JMJD1C: variants seen among roughly 807,000 people sequenced by gnomAD.
JMJD1C encodes jumonji domain-containing protein 1C.
In JMJD1C, 31 loss-of-function variants were observed where a neutral mutation model predicts 245.3. The ratio of observed to expected loss-of-function variants is 0.13; its 90% CI spans 0.09 to 0.17. JMJD1C has a LOEUF of 0.17. Among genes scored for constraint, JMJD1C ranks in the 10% least tolerant of loss-of-function variants. The probability of loss-of-function intolerance (pLI) is 1.00; values close to 1 mark genes in which losing one functional copy is unlikely to be tolerated. For missense variants in JMJD1C, 2,691 were observed against 3,000.2 expected, an observed-to-expected ratio of 0.90 and a Z score of 2.41; for synonymous variants, 1,057 against 1,017.4, an observed-to-expected ratio of 1.04 and a Z score of -0.74.
intron 2 of JMJD1C, among the ~76,000 whole-genome samples, chr10:63,306,960 A>T (rs1938335940): frequency 6.6e-6 from 1 of 152,212 alleles, no homozygotes; most frequent in Non-Finnish European, 1.5e-5. Context: ...TTACTTTTTT[A>T]AAGATCTTTC....
chr10:63,440,958 A>T (rs1457508513), intron 1 of JMJD1C, among the ~76,000 whole-genome samples: 1 of 152,204 alleles, frequency 6.6e-6, no homozygotes, highest in Non-Finnish European at 1.5e-5. Context: ...AAGACAACCT[A>T]CTATGAAGTC....
chr10:63,287,028 T>G lies in JMJD1C; in HGVS notation c.334-22264A>C, dbSNP rs565115444. Among the ~76,000 whole-genome samples, 3 of 152,074 alleles carry G rather than the reference T, an allele frequency of 2.0e-5. No homozygotes were observed. The East Asian group carries it at 5.8e-4, about 29-fold the overall frequency. On this transcript the variant is annotated intron_variant, in intron 2 of 25. Transcript: ENST00000399262. ...AAAAAATTTATCAGCCCTGGCAACA[T>G]AGGGAGATCTTGTCTCTACAAAAAT...
chr10:63,334,919 G>C (rs1942545427), intron 2 of JMJD1C, among the ~76,000 whole-genome samples: 1 of 151,322 alleles, frequency 6.6e-6, no homozygotes, highest in Non-Finnish European at 1.5e-5. Flanking sequence ...TGTTGGCCAG[G>C]CTGTTCTTGA....
At chr10:63,296,866 A>AT (rs1255349929) in intron 2 of JMJD1C, among the ~76,000 whole-genome samples, 1 of 152,006 alleles carries the variant, frequency 6.6e-6, no homozygotes, top group Non-Finnish European at 1.5e-5. Flanking sequence ...AGGATAGACA[A>AT]TTTTTTTTAA....
At chr10:63,450,666 A>T (rs1952003806) in intron 1 of JMJD1C, among the ~76,000 whole-genome samples, 1 of 152,166 alleles carries the variant, frequency 6.6e-6, no homozygotes, top group African/African-American at 2.4e-5. Flanking sequence ...AAAGAAGGAA[A>T]ATACAGCATA....
intron 2 of JMJD1C, among the ~76,000 whole-genome samples, chr10:63,347,430 A>G (rs1245208376): frequency 6.6e-6 from 1 of 151,448 alleles, no homozygotes; most frequent in Non-Finnish European, 1.5e-5. Context: ...AAAAAGACAA[A>G]AAAAATTAGC....
chr10:63,292,239 G>A (rs559674717), intron 2 of JMJD1C, among the ~76,000 whole-genome samples: 5 of 142,404 alleles, frequency 3.5e-5, no homozygotes, highest in Admixed American at 1.5e-4. Context: ...GATTACAGAT[G>A]TGAGCCACTA....
chr10:63,426,884 C>G (rs1158115271), intron 1 of JMJD1C, among the ~76,000 whole-genome samples: 2 of 152,222 alleles, frequency 1.3e-5, no homozygotes, highest in East Asian at 3.9e-4. Flanking sequence ...CTTCATGACT[C>G]CATTACTGAT....
chr10:63,208,580 A>G lies in JMJD1C; in HGVS notation c.3089T>C (p.Ile1030Thr), dbSNP rs754835004. Reference sequence around the variant, plus strand: ...TTTAGTTGTAAAGGGAGCAACATCAATACTTTCTTGAAGAATTCGACGGTG... The same window carrying G: ...TTTAGTTGTAAAGGGAGCAACATCAGTACTTTCTTGAAGAATTCGACGGTG... ...EEHRRILQES[I>T]DVAPFTTKIK... Residue 1030 changes from isoleucine to threonine, a missense_variant, in exon 10 of 26, where the codon ATT becomes ACT. Physicochemically the swap from Ile to Thr is moderately conservative, Grantham distance 89. This residue lies in a region of JMJD1C where 1,562 missense variants were observed against 1,490.7 expected (regional missense o/e 1.05). Coordinates refer to ENST00000399262, the MANE Select transcript of JMJD1C (RefSeq NM_032776.3). 1.2e-6 allele frequency: 2 copies of G among 1,614,086 alleles called. No homozygotes were observed. The highest frequency in any genetic ancestry group is 2.2e-5 in the South Asian group (2 of 91,074).
intron 3 of JMJD1C, among the ~76,000 whole-genome samples, chr10:63,220,998 C>T (rs980582786): frequency 2.0e-5 from 3 of 151,730 alleles, no homozygotes; most frequent in South Asian, 4.2e-4. Flanking sequence ...GTAGTCCCAG[C>T]TACTGAGGAT....
intron 1 of JMJD1C, among the ~76,000 whole-genome samples, chr10:63,423,640 T>C (rs571035856): frequency 5.9e-5 from 9 of 152,350 alleles, no homozygotes; most frequent in African/African-American, 1.9e-4. Context: ...AGTCTTTCAG[T>C]TCTTTTGGAT....
intron 2 of JMJD1C, among the ~76,000 whole-genome samples, chr10:63,295,212 G>C (rs1183861766): frequency 6.6e-6 from 1 of 151,866 alleles, no homozygotes; most frequent in African/African-American, 2.4e-5. Context: ...TCCTGCCTTA[G>C]CCTCCCTGAG....
At chr10:63,204,283 T>C in intron 10 of JMJD1C, 1 of 985,352 alleles carries the variant, frequency 1.0e-6, no homozygotes, top group Non-Finnish European at 1.2e-6. Context: ...AGCTACATGC[T>C]AGTTACCAAG....
intron 10 of JMJD1C, chr10:63,204,145 A>T: frequency 2.0e-6 from 2 of 982,824 alleles, no homozygotes; most frequent in Non-Finnish European, 2.4e-6. Context: ...TAAGAAAAAA[A>T]AAACTTTTCT....
chr10:63,243,730 AAAAG>A (rs1273211683), intron 3 of JMJD1C, among the ~76,000 whole-genome samples: 1 of 152,200 alleles, frequency 6.6e-6, no homozygotes, highest in African/African-American at 2.4e-5. Flanking sequence ...TAGAAAACAA[AAAAG>A]AAATACACAA....
chr10:63,389,459 T>A (rs56714776), intron 1 of JMJD1C, among the ~76,000 whole-genome samples: 3,215 of 150,054 alleles, frequency 0.021, 112 homozygotes, highest in African/African-American at 0.072. Context: ...TTTTTTCCTT[T>A]TTTTTTTTTC....
intron 3 of JMJD1C, among the ~76,000 whole-genome samples, chr10:63,261,804 T>C (rs1466170094): frequency 6.6e-6 from 1 of 152,126 alleles, no homozygotes; most frequent in Non-Finnish European, 1.5e-5. Context: ...AAGAAAAACA[T>C]ACTGCTACTG....
intron 20 of JMJD1C, 82 bp from the exon 21 acceptor site, chr10:63,184,820 C>T: frequency 6.8e-6 from 9 of 1,317,770 alleles, no homozygotes; most frequent in African/African-American, 1.5e-5. Context: ...TCAAGTTGTT[C>T]AAAACAGCAG....
chr10:63,440,930 T>G (rs1305646477), intron 1 of JMJD1C, among the ~76,000 whole-genome samples: 1 of 152,168 alleles, frequency 6.6e-6, no homozygotes, highest in East Asian at 1.9e-4. Context: ...GGTTAAATCA[T>G]ACAAGTTAAC....
Sources: gnomAD v4.1 joint callset for allele counts (sites outside exome capture counted in the v4.1 genomes callset) on GRCh38, gnomAD v4.1.1 for gene constraint, gnomAD v4.1.1 regional missense constraint, MANE v1.5 for transcripts, NCBI Gene and HGNC (gene_info 2026-07-23, HGNC 2026-07-21) for gene names.